Variants in MYO16 observed in about 807,000 individuals in gnomAD.
The protein encoded by MYO16 is unconventional myosin-XVI.
In MYO16, 94 loss-of-function variants were observed where a neutral mutation model predicts 205.3. The ratio of observed to expected loss-of-function variants is 0.46; its 90% CI spans 0.39 to 0.54. The LOEUF is 0.54. Ranked by LOEUF, MYO16 falls within the 20% of genes least tolerant of loss-of-function variation. The pLI, the probability that MYO16 is intolerant of heterozygous loss-of-function variation, is 0.00. For synonymous variants in MYO16, 988 were observed against 954.0 expected (o/e 1.04, Z -0.66); for missense variants, 2,315 against 2,387.5 (o/e 0.97, Z 0.63).
intron 1 of MYO16, among the ~76,000 whole-genome samples, chr13:108,658,262 A>C (rs1881332217): frequency 6.6e-6 from 1 of 152,004 alleles, no homozygotes; most frequent in African/African-American, 2.4e-5. Context: ...TGATTGCATA[A>C]ATTGGTTCAT....
chr13:108,548,044 C>T, the MYO16 span, among the ~76,000 whole-genome samples: 1 of 152,210 alleles, frequency 6.6e-6, no homozygotes, highest in Non-Finnish European at 1.5e-5. Flanking sequence ...AATGCCCTAA[C>T]ATATCTGAGT....
intron 20 of MYO16, among the ~76,000 whole-genome samples, chr13:108,974,186 T>C (rs1884166336): frequency 6.6e-6 from 1 of 152,224 alleles, no homozygotes; most frequent in Non-Finnish European, 1.5e-5. Context: ...TGTATCTTAA[T>C]GTGCTTTTCG....
chr13:108,594,962 A>G (rs1015925101), upstream of MYO16, among the ~76,000 whole-genome samples: 7 of 152,290 alleles, frequency 4.6e-5, no homozygotes, highest in East Asian at 1.4e-3. Flanking sequence ...ATCATCAGTT[A>G]TGGATAACTT....
intron 27 of MYO16, among the ~76,000 whole-genome samples, chr13:109,071,103 T>A (rs1298270956): frequency 6.6e-6 from 1 of 152,180 alleles, no homozygotes; most frequent in Non-Finnish European, 1.5e-5. Flanking sequence ...GAATCTATTC[T>A]GGAATAAAAA....
chr13:108,839,791 G>A (rs1412282179), intron 9 of MYO16, among the ~76,000 whole-genome samples: 2 of 152,096 alleles, frequency 1.3e-5, no homozygotes, highest in Non-Finnish European at 2.9e-5. Flanking sequence ...AAAGCTCTGT[G>A]TCTTCCATGA....
At chr13:108,786,527 C>T (rs191622812) in intron 5 of MYO16, among the ~76,000 whole-genome samples, 62 of 152,280 alleles carry the variant, frequency 4.1e-4, no homozygotes, top group East Asian at 2.1e-3. Flanking sequence ...AAGAGCCACA[C>T]GGAGCTTATG....
At chr13:108,866,331 G>T (rs1297618158) in intron 12 of MYO16, 89 bp downstream of exon 12, 2 of 687,954 alleles carry the variant, frequency 2.9e-6, no homozygotes, top group East Asian at 3.7e-5. Flanking sequence ...AAAAAAACAG[G>T]CAAACTTCTA....
intron 32 of MYO16, among the ~76,000 whole-genome samples, chr13:109,150,952 A>G (rs753983443): frequency 6.6e-6 from 1 of 152,210 alleles, no homozygotes; most frequent in Non-Finnish European, 1.5e-5. Context: ...ACATAATACA[A>G]TATCCTGGGG....
At chr13:108,756,004 CT>C (rs1885411740) in intron 4 of MYO16, among the ~76,000 whole-genome samples, 1 of 152,152 alleles carries the variant, frequency 6.6e-6, no homozygotes, top group African/African-American at 2.4e-5. Context: ...AGTCACAGTC[CT>C]TTACAAGGAA....
At chr13:108,994,487 G>T (rs923962312) in intron 21 of MYO16, among the ~76,000 whole-genome samples, 14 of 152,024 alleles carry the variant, frequency 9.2e-5, no homozygotes, top group African/African-American at 2.9e-4. Context: ...GTGCAAATTT[G>T]CATGTAATTT....
At chr13:108,572,414 C>CA in the MYO16 span, among the ~76,000 whole-genome samples, 42,939 of 151,864 alleles carry the variant, frequency 0.28, 6,230 homozygotes, top group South Asian at 0.33. Flanking sequence ...TTCTAATGTT[C>CA]AGTTATTATA....
intron 25 of MYO16, among the ~76,000 whole-genome samples, chr13:109,053,388 C>T (rs1406220118): frequency 6.6e-6 from 1 of 151,782 alleles, no homozygotes; most frequent in East Asian, 1.9e-4. Context: ...TTGTTTAGAA[C>T]TAAATGATCA....
At chr13:108,778,063 T>A (rs1221209214) in intron 4 of MYO16, among the ~76,000 whole-genome samples, 4 of 152,216 alleles carry the variant, frequency 2.6e-5, no homozygotes, top group African/African-American at 4.8e-5. Context: ...TTCAGTTCTC[T>A]TGATGAGTCA....
chr13:108,712,227 G>A (rs1883750252), intron 2 of MYO16, among the ~76,000 whole-genome samples: 1 of 152,174 alleles, frequency 6.6e-6, no homozygotes, highest in Admixed American at 6.5e-5. Flanking sequence ...CCAGTGGAAG[G>A]TTAATGTGCA....
chr13:109,202,726 A>G (rs1043247267), intron 34 of MYO16, among the ~76,000 whole-genome samples: 2 of 152,208 alleles, frequency 1.3e-5, no homozygotes, highest in African/African-American at 4.8e-5. Flanking sequence ...ATATGGAACC[A>G]AAAAGCCCAC....
chr13:108,564,169 C>CT, the MYO16 span, among the ~76,000 whole-genome samples: 1 of 139,088 alleles, frequency 7.2e-6, no homozygotes, highest in Non-Finnish European at 1.5e-5. Flanking sequence ...AATCTATTGC[C>CT]TTCTTTTTTT....
chr13:108,872,800 T>C (rs949912241), intron 12 of MYO16, among the ~76,000 whole-genome samples: 1 of 152,076 alleles, frequency 6.6e-6, no homozygotes, highest in Non-Finnish European at 1.5e-5. Flanking sequence ...ACAAAAAATA[T>C]ATCAGGTAAA....
At chr13:108,934,960 T>C (rs1344386992) in intron 16 of MYO16, among the ~76,000 whole-genome samples, 7 of 152,170 alleles carry the variant, frequency 4.6e-5, no homozygotes, top group Non-Finnish European at 1.0e-4. Flanking sequence ...CTGGGCTCTC[T>C]ATTCTGTTCC....
At chr13:108,992,180 A>T (rs548384117) in intron 20 of MYO16, among the ~76,000 whole-genome samples, 196 bp from the exon 21 acceptor site, 2 of 152,320 alleles carry the variant, frequency 1.3e-5, no homozygotes, top group East Asian at 3.9e-4. Context: ...GAATCAAAGC[A>T]TTAAAATAAC....
Sources: allele counts gnomAD v4.1 joint callset (sites outside exome capture counted in the v4.1 genomes callset), GRCh38; gene constraint gnomAD v4.1.1; transcripts MANE v1.5; gene names NCBI Gene and HGNC (gene_info 2026-07-23, HGNC 2026-07-21).